The following LOXHD1 variants were observed in gnomAD, a reference collection of about 807,000 sequenced individuals.
LOXHD1 encodes the protein lipoxygenase homology PLAT domains 1.
Under a neutral mutation model 248.2 loss-of-function variants are expected in LOXHD1, and 205 were observed. The observed-to-expected ratio is 0.83, with a 90% confidence interval of 0.74 to 0.93. The LOEUF (loss-of-function observed/expected upper bound fraction) is 0.93. Among genes scored for constraint, LOXHD1 ranks in the 40% least tolerant of loss-of-function variants. LOXHD1 has a pLI of 0.00. For synonymous variants in LOXHD1, 1,113 were observed against 1,162.8 expected, an observed-to-expected ratio of 0.96 and a Z score of 0.87; for missense variants, 2,930 against 2,971.6, an observed-to-expected ratio of 0.99 and a Z score of 0.33.
At chr18:46,537,760 A>G (rs1044627985) in intron 26 of LOXHD1, among the ~76,000 whole-genome samples, 1 of 152,150 alleles carries the variant, frequency 6.6e-6, no homozygotes, top group Non-Finnish European at 1.5e-5. Context: ...CTAGCCCATG[A>G]CCACTGGTGG....
chr18:46,573,890 T>G (rs1014418340), intron 14 of LOXHD1, among the ~76,000 whole-genome samples: 1 of 152,130 alleles, frequency 6.6e-6, no homozygotes, highest in African/African-American at 2.4e-5. Context: ...CATTGGAGAC[T>G]CCAAGACATG....
In LOXHD1 at chr18:46,477,471, C is replaced by T. The variant is rs1178204904; in HGVS notation, c.*1G>A. 1 of 1,544,352 alleles carries T rather than the reference C, an allele frequency of 6.5e-7. No individual in the cohort carries two copies. The highest frequency in any genetic ancestry group is 8.8e-7 in the Non-Finnish European group (1 of 1,142,210). On this transcript the variant is annotated 3_prime_UTR_variant, in exon 41 of 41. Transcript: ENST00000642948. ...AGTGAGAGGGTGGGGGCCCTAGCCCCTCAGACAGAAGGGAAGAGGTCTCTC... is the reference window on the plus strand; with the variant it reads ...AGTGAGAGGGTGGGGGCCCTAGCCCTTCAGACAGAAGGGAAGAGGTCTCTC...
rs1403920456 is a variant in LOXHD1 at position 46,505,935 on chromosome 18, C to A, written c.5781G>T (p.Trp1927Cys). ...CCGTGTTGTTCCGCTCAAACTTGTT[C>A]CAGTTTGCCGACTGCTTCAGGGCCA... is the stretch of plus-strand genomic sequence containing the variant. Reference protein sequence around the residue: ...GTLALKQSANWNKFERNNTDT... With the variant: ...GTLALKQSANCNKFERNNTDT... Residue 1927 changes from tryptophan to cysteine, a missense_variant, in exon 37 of 41, where the codon TGG (tryptophan) becomes TGT (cysteine). Physicochemically the swap from Trp to Cys is radical, Grantham distance 215. Coordinates refer to ENST00000642948, the MANE Select transcript of LOXHD1 (RefSeq NM_001384474.1). 2 of 1,551,992 alleles carry A rather than the reference C, an allele frequency of 1.3e-6. No individual in the cohort carries two copies. The highest frequency in any genetic ancestry group is 1.4e-5 in the African/African-American group (1 of 73,030).
chr18:46,563,993 A>G (rs970845774), intron 17 of LOXHD1, among the ~76,000 whole-genome samples: 1 of 152,232 alleles, frequency 6.6e-6, no homozygotes, highest in African/African-American at 2.4e-5. Context: ...AGCAATTATC[A>G]TAAGGCAGGT....
chr18:46,579,940 A>C (rs2037932327), intron 12 of LOXHD1, among the ~76,000 whole-genome samples, 156 bp from the exon 13 acceptor site: 1 of 152,102 alleles, frequency 6.6e-6, no homozygotes, highest in Admixed American at 6.5e-5. Flanking sequence ...ATCCTACCAC[A>C]CACCAATCAA....
chr18:46,548,390 C>G (rs1051553344), intron 21 of LOXHD1, among the ~76,000 whole-genome samples: 138 of 152,270 alleles, frequency 9.1e-4, no homozygotes, highest in African/African-American at 3.1e-3. Flanking sequence ...CTCCAAGTAT[C>G]AAAATGTTAG....
intron 16 of LOXHD1, among the ~76,000 whole-genome samples, chr18:46,567,326 C>G (rs2037662786): frequency 6.6e-6 from 1 of 152,234 alleles, no homozygotes; most frequent in South Asian, 2.1e-4. Flanking sequence ...GAAAACTGTC[C>G]ATGCGAGCCT....
At chr18:46,548,815 C>T (rs139551292) in intron 21 of LOXHD1, among the ~76,000 whole-genome samples, 1 of 152,170 alleles carries the variant, frequency 6.6e-6, no homozygotes, top group South Asian at 2.1e-4. Flanking sequence ...AGAAAAGGTA[C>T]AAGCCCTCCC....
At chr18:46,572,023 G>A (rs2037761137) in intron 15 of LOXHD1, 63 bp downstream of exon 15, 3 of 1,398,834 alleles carry the variant, frequency 2.1e-6, no homozygotes, top group East Asian at 5.0e-5. Context: ...GAAGGGCTTA[G>A]CTGAGGGAAG....
At chr18:46,507,733 G>A (rs369914188) in intron 35 of LOXHD1, 21 bp from the exon 36 acceptor site, 30 of 1,543,154 alleles carry the variant, frequency 1.9e-5, no homozygotes, top group East Asian at 7.4e-5. Context: ...GGGAGCCACC[G>A]TGGGAATGCC....
intron 23 of LOXHD1, among the ~76,000 whole-genome samples, chr18:46,543,471 G>GTT (rs980740297): frequency 3.3e-5 from 5 of 152,038 alleles, no homozygotes; most frequent in African/African-American, 1.2e-4. Context: ...AGAACATGAG[G>GTT]TTTTTTTACA....
chr18:46,578,825 A>C (rs945978801), intron 13 of LOXHD1, among the ~76,000 whole-genome samples: 4 of 152,190 alleles, frequency 2.6e-5, no homozygotes, highest in Non-Finnish European at 4.4e-5. Context: ...CACTGCCCCT[A>C]ATGCTCACAA....
At chr18:46,533,077 C>A in intron 28 of LOXHD1, 85 bp downstream of exon 28, 1 of 1,442,052 alleles carries the variant, frequency 6.9e-7, no homozygotes, top group Non-Finnish European at 9.4e-7. Context: ...GGTGAAGAGG[C>A]TTAGCCTGGC....
chr18:46,605,521 T>C (rs553257557), intron 6 of LOXHD1, among the ~76,000 whole-genome samples: 2 of 151,938 alleles, frequency 1.3e-5, no homozygotes, highest in Non-Finnish European at 2.9e-5. Context: ...CTCAAAAAAA[T>C]AAAAATAAAA....
At chr18:46,639,308 T>C (rs1282845948) in intron 4 of LOXHD1, among the ~76,000 whole-genome samples, 1 of 152,206 alleles carries the variant, frequency 6.6e-6, no homozygotes, top group Admixed American at 6.5e-5. Context: ...GGACTTCCGA[T>C]AGATACCCCA....
intron 35 of LOXHD1, 130 bp downstream of exon 35, chr18:46,509,568 T>C: frequency 1.3e-6 from 1 of 742,206 alleles, no homozygotes; most frequent in South Asian, 1.5e-5. Context: ...CTGGATCATA[T>C]GGGCTGGGTT....
In LOXHD1 at chr18:46,507,717, G is replaced by A. The variant is rs1369069402; in HGVS notation, c.5518-5C>T. 1.3e-6 allele frequency: 2 copies of A among 1,547,106 alleles called. No homozygotes were observed. Among genetic ancestry groups the A allele is most frequent in the East Asian group, 2.5e-5 (1 of 40,806 alleles). On this transcript the variant is annotated splice_polypyrimidine_tract_variant and splice_region_variant and intron_variant, in intron 35 of 40. Transcript: ENST00000642948. The stretch of plus-strand genomic sequence containing the variant: ...GTTCATGTTCTTCAGTAGGATCTGG[G>A]GGAGAGGGAGCCACCGTGGGAATGC...
At chr18:46,506,330 G>A (rs192206616) in intron 36 of LOXHD1, among the ~76,000 whole-genome samples, 11 of 152,316 alleles carry the variant, frequency 7.2e-5, no homozygotes, top group Admixed American at 7.2e-4. Flanking sequence ...TAAAAGGCGT[G>A]TCATATAGGC....
intron 18 of LOXHD1, among the ~76,000 whole-genome samples, chr18:46,560,803 C>T (rs1160327306): frequency 6.6e-6 from 1 of 151,844 alleles, no homozygotes; most frequent in Non-Finnish European, 1.5e-5. Context: ...AGCTGGTCTC[C>T]CTCTTCTCTC....
Sources: allele counts gnomAD v4.1 joint callset (sites outside exome capture counted in the v4.1 genomes callset), GRCh38; gene constraint gnomAD v4.1.1; transcripts MANE v1.5; gene names NCBI Gene and HGNC (gene_info 2026-07-23, HGNC 2026-07-21).